Variants in TRAF3 observed in about 807,000 individuals in gnomAD.
TRAF3 encodes TNF receptor-associated factor 3.
A neutral mutation model predicts 62.3 loss-of-function variants in TRAF3; 13 were observed. The observed-to-expected ratio is 0.21, with a 90% confidence interval of 0.14 to 0.33. The LOEUF (loss-of-function observed/expected upper bound fraction) is 0.33. Among genes scored for constraint, TRAF3 ranks in the 10% least tolerant of loss-of-function variants. The probability of loss-of-function intolerance (pLI) is 1.00; values close to 1 mark genes in which losing one functional copy is unlikely to be tolerated. For synonymous variants in TRAF3, 269 were observed against 283.4 expected (o/e 0.95, Z 0.51); for missense variants, 440 against 741.8 (o/e 0.59, Z 4.73).
intron 1 of TRAF3, among the ~76,000 whole-genome samples, chr14:102,793,123 T>G (rs2139421212): frequency 6.6e-6 from 1 of 152,284 alleles, no homozygotes. Flanking sequence ...TAGTTTTCTT[T>G]CCTTGTGATA....
intron 2 of TRAF3, among the ~76,000 whole-genome samples, chr14:102,840,143 T>C (rs1022170850): frequency 6.6e-6 from 1 of 152,224 alleles, no homozygotes; most frequent in African/African-American, 2.4e-5. Flanking sequence ...AAAATCTCAG[T>C]AATCGAGATT....
Position 102,846,557 on chromosome 14 carries a change from C to G in TRAF3, c.-18+16085C>G, listed in dbSNP as rs544201492. Among the ~76,000 whole-genome samples, 202 of 144,224 alleles carry G rather than the reference C, an allele frequency of 1.4e-3. 2 individuals are homozygous for G. The South Asian group carries it at 0.014, about 10-fold the overall frequency. The allele number at this position is 144,224 out of a possible 152,430, so 94.6% of individuals were successfully genotyped here. A position where few individuals can be genotyped will look rare whatever the true frequency, so the allele number is the denominator to read the frequency against. ...GTAGCTCATGCCTGTAATCCCAGCACTTTGGGAGGCTGAGATGGGAGGATC... is the reference window on the plus strand; with the variant it reads ...GTAGCTCATGCCTGTAATCCCAGCAGTTTGGGAGGCTGAGATGGGAGGATC... On this transcript the variant is annotated intron_variant, in intron 2 of 11. Transcript: ENST00000392745.
chr14:102,855,768 C>T (rs1335005937), intron 2 of TRAF3, among the ~76,000 whole-genome samples: 1 of 148,632 alleles, frequency 6.7e-6, no homozygotes, highest in Non-Finnish European at 1.5e-5. Flanking sequence ...CGCACTCCAG[C>T]TTGGGCTACA....
At chr14:102,795,596 A>ATGTGTG (rs1189667975) in intron 1 of TRAF3, among the ~76,000 whole-genome samples, 296 of 129,242 alleles carry the variant, frequency 2.3e-3, no homozygotes, top group African/African-American at 5.8e-3. Flanking sequence ...TGATATGTAT[A>ATGTGTG]TATGTGTGTG....
intron 2 of TRAF3, among the ~76,000 whole-genome samples, chr14:102,856,163 G>GT (rs1249804356): frequency 6.6e-6 from 1 of 151,628 alleles, no homozygotes; most frequent in African/African-American, 2.4e-5. Flanking sequence ...ACTCACTGTG[G>GT]TTTTGATTTG....
intron 1 of TRAF3, among the ~76,000 whole-genome samples, chr14:102,828,582 G>A (rs977049465): frequency 2.0e-5 from 3 of 152,208 alleles, no homozygotes; most frequent in Admixed American, 2.0e-4. Context: ...TGTTCAGATG[G>A]TGGATTATAA....
At chr14:102,783,067 G>A (rs775558004) in intron 1 of TRAF3, among the ~76,000 whole-genome samples, 1 of 152,158 alleles carries the variant, frequency 6.6e-6, no homozygotes. Flanking sequence ...TGAGGTGCTC[G>A]TTAGGCCTTC....
intron 9 of TRAF3, among the ~76,000 whole-genome samples, chr14:102,892,796 C>T (rs776617546): frequency 2.6e-5 from 4 of 152,118 alleles, no homozygotes; most frequent in South Asian, 2.1e-4. Context: ...CATGTAAATG[C>T]GTGAGCTGAG....
chr14:102,857,667 C>A (rs1465322240), intron 2 of TRAF3, among the ~76,000 whole-genome samples: 1 of 152,166 alleles, frequency 6.6e-6, no homozygotes, highest in Admixed American at 6.5e-5. Context: ...GAACCCTGCA[C>A]AGGAACTGTG....
chr14:102,831,138 C>T (rs1264339576), intron 2 of TRAF3, among the ~76,000 whole-genome samples: 1 of 152,192 alleles, frequency 6.6e-6, no homozygotes, highest in African/African-American at 2.4e-5. Context: ...GGGACTTTGA[C>T]AGAGAGCTGC....
chr14:102,824,735 T>C (rs976776056), intron 1 of TRAF3, among the ~76,000 whole-genome samples: 1 of 152,224 alleles, frequency 6.6e-6, no homozygotes, highest in Non-Finnish European at 1.5e-5. Flanking sequence ...AATTACTAAT[T>C]TCATTACTAC....
At chr14:102,781,161 C>G (rs1168443036) in intron 1 of TRAF3, among the ~76,000 whole-genome samples, 1 of 133,532 alleles carries the variant, frequency 7.5e-6, no homozygotes, top group East Asian at 2.2e-4. Context: ...GTGGGGCCAT[C>G]TGGTCCCTCT....
intron 1 of TRAF3, among the ~76,000 whole-genome samples, chr14:102,779,734 A>T (rs1897193320): frequency 6.6e-6 from 1 of 152,238 alleles, no homozygotes; most frequent in Non-Finnish European, 1.5e-5. Flanking sequence ...TAAAACTGCC[A>T]CTGTGGCGTT....
chr14:102,819,116 A>C (rs1270622769), intron 1 of TRAF3, among the ~76,000 whole-genome samples: 1 of 149,612 alleles, frequency 6.7e-6, no homozygotes, highest in Non-Finnish European at 1.5e-5. Flanking sequence ...CTCTTCCATC[A>C]CCCCAGCCCT....
At chr14:102,787,962 A>G (rs994846669) in intron 1 of TRAF3, among the ~76,000 whole-genome samples, 2 of 149,942 alleles carry the variant, frequency 1.3e-5, no homozygotes, top group Non-Finnish European at 3.0e-5. Context: ...AGCCATTCTC[A>G]TGCCTCAGCC....
At chr14:102,880,515 G>T (rs1888988874) in intron 6 of TRAF3, among the ~76,000 whole-genome samples, 1 of 152,196 alleles carries the variant, frequency 6.6e-6, no homozygotes, top group South Asian at 2.1e-4. Context: ...TGGTGGGAGT[G>T]TAAATTAGTT....
chr14:102,875,617 T>C lies in TRAF3; in HGVS notation c.298-7T>C. ...AATCCTCCAAAATAATGATCTTTCA[T>C]TTTCAGGTGTTTAAGGATAATTGCT... On this transcript the variant is annotated splice_polypyrimidine_tract_variant and splice_region_variant and intron_variant, in intron 4 of 11. Transcript: ENST00000392745. 6.2e-7 allele frequency: 1 copy of C among 1,610,582 alleles called. No individual in the cohort carries two copies. The highest frequency in any genetic ancestry group is 8.5e-7 in the Non-Finnish European group (1 of 1,177,036).
At chr14:102,851,386 G>GT (rs771857677) in intron 2 of TRAF3, among the ~76,000 whole-genome samples, 9 of 152,218 alleles carry the variant, frequency 5.9e-5, no homozygotes, top group Non-Finnish European at 1.2e-4. Flanking sequence ...GTGTGTGGAA[G>GT]ACACGGGATT....
At chr14:102,828,050 C>T (rs149638907) in intron 1 of TRAF3, among the ~76,000 whole-genome samples, 3 of 152,380 alleles carry the variant, frequency 2.0e-5, no homozygotes, top group Non-Finnish European at 2.9e-5. Context: ...CACTCGTTTC[C>T]GCATTCCCAC....
Sources: gnomAD v4.1 joint callset for allele counts (sites outside exome capture counted in the v4.1 genomes callset) on GRCh38, gnomAD v4.1.1 for gene constraint, MANE v1.5 for transcripts, NCBI Gene and HGNC (gene_info 2026-07-23, HGNC 2026-07-21) for gene names.